FRMD6: variants seen among roughly 807,000 people sequenced by gnomAD.
The protein encoded by FRMD6 is FERM domain-containing protein 6.
Under a neutral mutation model 73.2 loss-of-function variants are expected in FRMD6, and 37 were observed. That is an observed-to-expected ratio of 0.51 (90% CI 0.39 to 0.66). The LOEUF is 0.66. Among genes scored for constraint, FRMD6 ranks in the 30% least tolerant of loss-of-function variants. FRMD6 has a pLI of 0.00. For synonymous variants in FRMD6, 273 were observed against 282.2 expected, an observed-to-expected ratio of 0.97 and a Z score of 0.33; for missense variants, 714 against 780.5, an observed-to-expected ratio of 0.91 and a Z score of 1.02.
upstream of FRMD6, among the ~76,000 whole-genome samples, chr14:51,488,059 A>G (rs1263084335): frequency 6.6e-6 from 1 of 152,214 alleles, no homozygotes. Flanking sequence ...CAGTGGCTTT[A>G]TCTTCAGGCA....
chr14:51,565,419 T>C (rs957698645), intron 1 of FRMD6: 3 of 152,224 alleles, frequency 2.0e-5, no homozygotes, highest in Non-Finnish European at 4.4e-5. Context: ...TGGATTCAAA[T>C]ACCAAGAACT....
At chr14:51,711,073 G>C (rs191456514) in intron 7 of FRMD6, among the ~76,000 whole-genome samples, 3 of 152,054 alleles carry the variant, frequency 2.0e-5, no homozygotes, top group Non-Finnish European at 2.9e-5. Context: ...GATGTGCCCA[G>C]TTTTAAACAT....
chr14:51,529,043 G>A (rs760806706), intron 1 of FRMD6, among the ~76,000 whole-genome samples: 9 of 152,168 alleles, frequency 5.9e-5, no homozygotes, highest in African/African-American at 1.2e-4. Flanking sequence ...CATAAGTCAC[G>A]CTTTCCAAGG....
At chr14:51,557,774 A>G (rs1887228416) in intron 1 of FRMD6, among the ~76,000 whole-genome samples, 1 of 152,144 alleles carries the variant, frequency 6.6e-6, no homozygotes, top group Admixed American at 6.5e-5. Flanking sequence ...TTGGGACACA[A>G]AGAAGGGAAC....
At chr14:51,721,030 T>G (rs185366426) in intron 11 of FRMD6, among the ~76,000 whole-genome samples, 10 of 152,332 alleles carry the variant, frequency 6.6e-5, no homozygotes, top group Admixed American at 5.9e-4. Context: ...AAAGATAGAC[T>G]TTGTTAAAGA....
intron 4 of FRMD6, 120 bp from the exon 5 acceptor site, chr14:51,702,392 A>G: frequency 1.3e-6 from 1 of 778,308 alleles, no homozygotes; most frequent in Admixed American, 2.0e-5. Flanking sequence ...CATTATAAGT[A>G]AATAAAACCT....
the FRMD6 span, among the ~76,000 whole-genome samples, chr14:51,407,596 A>G: frequency 6.6e-6 from 1 of 152,002 alleles, no homozygotes; most frequent in Non-Finnish European, 1.5e-5. Context: ...ATACATTAAA[A>G]AAGGAATTTG....
At chr14:51,589,529 C>T (rs1179811764) in intron 2 of FRMD6, among the ~76,000 whole-genome samples, 1 of 152,068 alleles carries the variant, frequency 6.6e-6, no homozygotes, top group Non-Finnish European at 1.5e-5. Flanking sequence ...TCACACTCCT[C>T]ATTTCACATA....
At chr14:51,396,782 T>C in the FRMD6 span, among the ~76,000 whole-genome samples, 1 of 152,192 alleles carries the variant, frequency 6.6e-6, no homozygotes, top group African/African-American at 2.4e-5. Context: ...CCAGACAGTG[T>C]GACAAGCTGG....
chr14:51,450,358 A>G, the FRMD6 span, among the ~76,000 whole-genome samples: 1 of 152,280 alleles, frequency 6.6e-6, no homozygotes, highest in African/African-American at 2.4e-5. Context: ...AGAAAACCAG[A>G]CCAGAATTTT....
At chr14:51,585,770 C>A (rs1384606408) in intron 2 of FRMD6, among the ~76,000 whole-genome samples, 2 of 151,084 alleles carry the variant, frequency 1.3e-5, no homozygotes, top group African/African-American at 2.4e-5. Context: ...TCATGTATAC[C>A]TATTATTTAC....
At chr14:51,404,631 C>T in the FRMD6 span, among the ~76,000 whole-genome samples, 1 of 152,066 alleles carries the variant, frequency 6.6e-6, no homozygotes, top group Non-Finnish European at 1.5e-5. Flanking sequence ...ACCAATTGTT[C>T]CAGTACCATG....
chr14:51,549,591 C>CTTTTTTTTTTTTTTTTT (rs1168905376), intron 1 of FRMD6, among the ~76,000 whole-genome samples: 1 of 93,620 alleles, frequency 1.1e-5, no homozygotes, highest in Non-Finnish European at 2.0e-5. Flanking sequence ...CTTTTTTTTT[C>CTTTTTTTTTTTTTTTTT]TTTCTTTTTT....
intron 2 of FRMD6, among the ~76,000 whole-genome samples, chr14:51,598,818 T>A (rs1163131448): frequency 6.6e-6 from 1 of 152,196 alleles, no homozygotes; most frequent in Non-Finnish European, 1.5e-5. Context: ...CTAGGTTAAT[T>A]CTGTCTTTGC....
In FRMD6 at chr14:51,730,463, G is replaced by A. The variant is rs1898198510; in HGVS notation, c.*2434G>A. ...AAAAGGAAAGGAAATATATAAAGCT[G>A]TTATTTATTCTGCATTTCTTACATA... On this transcript the variant is annotated 3_prime_UTR_variant, in exon 14 of 14. Coordinates refer to ENST00000344768, the MANE Select transcript of FRMD6 (RefSeq NM_001267046.2). 6.6e-6 allele frequency: 1 copy of A among 152,380 alleles called. No individual in the cohort carries two copies. Among genetic ancestry groups the A allele is most frequent in the Admixed American group, 6.5e-5 (1 of 15,268 alleles). 9.4% of individuals were successfully genotyped at this position (152,380 alleles called of 1,614,324 possible).
intron 1 of FRMD6, among the ~76,000 whole-genome samples, chr14:51,534,503 C>G (rs957070585): frequency 3.3e-5 from 5 of 152,174 alleles, no homozygotes; most frequent in African/African-American, 9.7e-5. Flanking sequence ...TTCTTTCTAC[C>G]TTTCCTATTT....
intron 1 of FRMD6, among the ~76,000 whole-genome samples, chr14:51,678,154 T>C (rs4312232): frequency 0.4 from 60,743 of 152,058 alleles, 12,348 homozygotes; most frequent in African/African-American, 0.46. Context: ...TTCCATTTTA[T>C]AGATACGGAA....
At chr14:51,471,532 G>A in the FRMD6 span, among the ~76,000 whole-genome samples, 1 of 151,410 alleles carries the variant, frequency 6.6e-6, no homozygotes, top group Non-Finnish European at 1.5e-5. Flanking sequence ...ATGTCTTCCT[G>A]ATGAATTATT....
the FRMD6 span, among the ~76,000 whole-genome samples, chr14:51,466,210 G>T: frequency 6.6e-6 from 1 of 151,962 alleles, no homozygotes; most frequent in Non-Finnish European, 1.5e-5. Flanking sequence ...ATATTTTCTT[G>T]CATTTACATT....
Sources: allele counts gnomAD v4.1 joint callset (sites outside exome capture counted in the v4.1 genomes callset), GRCh38; gene constraint gnomAD v4.1.1; transcripts MANE v1.5; gene names NCBI Gene and HGNC (gene_info 2026-07-23, HGNC 2026-07-21).